Variants in EPAS1 observed in about 807,000 individuals in gnomAD.
The protein encoded by EPAS1 is endothelial PAS domain-containing protein 1.
A neutral mutation model predicts 87.9 loss-of-function variants in EPAS1; 23 were observed. The observed-to-expected ratio is 0.26, with a 90% CI of 0.19 to 0.37. The LOEUF (loss-of-function observed/expected upper bound fraction) is 0.37, where lower values mean the gene tolerates loss of function less well. Ranked by LOEUF, EPAS1 falls within the 10% of genes least tolerant of loss-of-function variation. EPAS1 has a pLI of 1.00. For synonymous variants in EPAS1, 508 were observed against 444.3 expected, an observed-to-expected ratio of 1.14 and a Z score of -1.80; for missense variants, 1,138 against 1,120.7, an observed-to-expected ratio of 1.02 and a Z score of -0.22.
At chr2:46,314,799 T>A (rs1158132448) in intron 1 of EPAS1, among the ~76,000 whole-genome samples, 1 of 152,206 alleles carries the variant, frequency 6.6e-6, no homozygotes, top group African/African-American at 2.4e-5. Context: ...GGGCAGAGAC[T>A]TGGAAGTCGC....
chr2:46,356,252 G>A lies in EPAS1; in HGVS notation c.319G>A (p.Asp107Asn), dbSNP rs776459473. ...CATTGCCGTGGTGACCCAAGATGGCGACATGATCTTTCTGTCAGAAAACAT... is the reference window on the plus strand; with the variant it reads ...CATTGCCGTGGTGACCCAAGATGGCAACATGATCTTTCTGTCAGAAAACAT... ...GFIAVVTQDG[D>N]MIFLSENISK... is the part of the protein sequence containing the mutation. The change falls in exon 3 of 16, where the codon GAC (aspartate) becomes AAC (asparagine). Residue 107 changes from aspartate to asparagine, a missense_variant. Coordinates refer to ENST00000263734, the MANE Select transcript of EPAS1 (RefSeq NM_001430.5). The A allele has an allele frequency of 8.7e-6, 14 of 1,613,816 alleles. No homozygotes were observed. Among genetic ancestry groups the A allele is most frequent in the East Asian group, 4.5e-5 (2 of 44,896 alleles).
chr2:46,335,736 T>G (rs1385613640), intron 1 of EPAS1: 1 of 151,612 alleles, frequency 6.6e-6, no homozygotes, highest in Non-Finnish European at 1.5e-5. Flanking sequence ...AGAGGTCCTC[T>G]CACGCCCTGC....
chr2:46,379,446 C>A (rs1285200039), intron 11 of EPAS1, among the ~76,000 whole-genome samples: 1 of 152,146 alleles, frequency 6.6e-6, no homozygotes, highest in African/African-American at 2.4e-5. Flanking sequence ...AAAACATGCC[C>A]AATTTTAGCT....
intron 1 of EPAS1, among the ~76,000 whole-genome samples, chr2:46,311,534 G>T (rs1300432689): frequency 6.6e-6 from 1 of 152,176 alleles, no homozygotes; most frequent in African/African-American, 2.4e-5. Flanking sequence ...CTAGAAATTT[G>T]AGTCTAGCAT....
At chr2:46,367,523 T>G (rs2103648811) in intron 6 of EPAS1, among the ~76,000 whole-genome samples, 1 of 152,374 alleles carries the variant, frequency 6.6e-6, no homozygotes, top group Non-Finnish European at 1.5e-5. Context: ...TCTGTCTCCT[T>G]GTTCCCCCCA....
At chr2:46,304,469 C>G (rs141435239) in intron 1 of EPAS1, among the ~76,000 whole-genome samples, 1 of 152,288 alleles carries the variant, frequency 6.6e-6, no homozygotes, top group African/African-American at 2.4e-5. Flanking sequence ...AATAAGTGCT[C>G]TATAAATGAC....
At chr2:46,341,958 AG>A (rs1411647207) in intron 1 of EPAS1, among the ~76,000 whole-genome samples, 4 of 152,156 alleles carry the variant, frequency 2.6e-5, no homozygotes, top group Non-Finnish European at 4.4e-5. Flanking sequence ...AAAACATTTA[AG>A]TCCAACCCCA....
At chr2:46,381,296 G>A in intron 12 of EPAS1, 1 of 453,654 alleles carries the variant, frequency 2.2e-6, no homozygotes, top group East Asian at 4.7e-5. Flanking sequence ...TTTTCAGTGG[G>A]AGCAAAAGGC....
At chr2:46,298,410 G>A (rs934828073) in intron 1 of EPAS1, among the ~76,000 whole-genome samples, 17 of 152,332 alleles carry the variant, frequency 1.1e-4, no homozygotes, top group African/African-American at 4.1e-4. Context: ...CGGCCCAAGT[G>A]GGCAAAGGGG....
At chr2:46,314,121 C>T (rs941276163) in intron 1 of EPAS1, among the ~76,000 whole-genome samples, 1 of 152,172 alleles carries the variant, frequency 6.6e-6, no homozygotes, top group African/African-American at 2.4e-5. Context: ...CAGACTCTTT[C>T]CACAGACCCA....
At chr2:46,301,549 C>T (rs1261967558) in intron 1 of EPAS1, among the ~76,000 whole-genome samples, 2 of 141,760 alleles carry the variant, frequency 1.4e-5, no homozygotes, top group African/African-American at 5.7e-5. Flanking sequence ...TGCACTCCAG[C>T]CTGGGCAAGA....
In EPAS1 at chr2:46,356,328, A is replaced by G. The variant is rs745649060; in HGVS notation, c.369+26A>G. The G allele has an allele frequency of 3.1e-6, 5 of 1,613,824 alleles. No individual in the cohort carries two copies. In the Admixed American group the frequency reaches 6.7e-5, roughly 22 times the overall value. On this transcript the variant is annotated intron_variant, in intron 3 of 15. Coordinates refer to ENST00000263734, the MANE Select transcript of EPAS1 (RefSeq NM_001430.5). ...GTGACACCCTCCTCTATCTCTTTCA[A>G]AAGAAGAAATGTTTCCATTTGGGGG... is the stretch of plus-strand genomic sequence containing the variant.
chr2:46,298,543 C>A (rs993274312), intron 1 of EPAS1, among the ~76,000 whole-genome samples: 49 of 152,234 alleles, frequency 3.2e-4, no homozygotes, highest in African/African-American at 1.2e-3. Context: ...TCGTGCCGCA[C>A]CTTGACTCTG....
At chr2:46,362,381 A>G (rs1046861268) in intron 6 of EPAS1, among the ~76,000 whole-genome samples, 1 of 152,206 alleles carries the variant, frequency 6.6e-6, no homozygotes, top group African/African-American at 2.4e-5. Context: ...GTTATTGCTT[A>G]TATCTTACTT....
intron 1 of EPAS1, among the ~76,000 whole-genome samples, chr2:46,303,394 C>T (rs998828048): frequency 2.0e-5 from 3 of 152,154 alleles, no homozygotes; most frequent in Non-Finnish European, 2.9e-5. Context: ...ACAAGGCTCC[C>T]TATGGTGTAT....
intron 2 of EPAS1, among the ~76,000 whole-genome samples, chr2:46,352,203 G>A (rs757017223): frequency 6.6e-6 from 1 of 152,166 alleles, no homozygotes; most frequent in Non-Finnish European, 1.5e-5. Context: ...CCCACTTGGT[G>A]GCTTATTGAG....
At chr2:46,339,904 G>A (rs1040387982) in intron 1 of EPAS1, among the ~76,000 whole-genome samples, 2 of 152,186 alleles carry the variant, frequency 1.3e-5, no homozygotes, top group African/African-American at 4.8e-5. Flanking sequence ...CATTCATGAG[G>A]ACTTCACTGT....
At chr2:46,349,915 C>T (rs1684115407) in intron 2 of EPAS1, among the ~76,000 whole-genome samples, 2 of 152,186 alleles carry the variant, frequency 1.3e-5, no homozygotes, top group Non-Finnish European at 2.9e-5. Context: ...TGCCTTCTTT[C>T]TCTGCAATGT....
chr2:46,359,260 A>AAAAAAAAAAAAAAAAAAAAAAAAAAAAC (rs1684336951), intron 4 of EPAS1, among the ~76,000 whole-genome samples: 1 of 144,378 alleles, frequency 6.9e-6, no homozygotes, highest in African/African-American at 2.6e-5. Flanking sequence ...TCTGTCTCAA[A>AAAAAAAAAAAAAAAAAAAAAAAAAAAAC]AAAAAAAAAA....
Sources: allele counts gnomAD v4.1 joint callset (sites outside exome capture counted in the v4.1 genomes callset), GRCh38; gene constraint gnomAD v4.1.1; transcripts MANE v1.5; gene names NCBI Gene and HGNC (gene_info 2026-07-23, HGNC 2026-07-21).